MGST1: variants seen among roughly 807,000 people sequenced by gnomAD.
MGST1 encodes the protein microsomal glutathione S-transferase 1.
MGST1 carries 5 observed loss-of-function variants against 8.9 expected under a neutral mutation model. The ratio of observed to expected loss-of-function variants is 0.56; its 90% CI spans 0.29 to 1.19. MGST1 has a LOEUF of 1.19. Ranked by LOEUF, MGST1 falls within the 50% of genes most tolerant of loss-of-function variation. MGST1 has a pLI of 0.08. For missense variants in MGST1, 182 were observed against 187.4 expected (o/e 0.97, Z 0.17); for synonymous variants, 54 against 67.8 (o/e 0.80, Z 1.00).
rs576570416 is a variant in MGST1, at chr12:16,584,134, G to A, written n.483-5394G>A. 7.2e-5 allele frequency among the ~76,000 whole-genome samples: 11 copies of A among 152,230 alleles called. No homozygotes were observed. In the South Asian group the frequency reaches 2.1e-3, roughly 29 times the overall value. On this transcript the variant is annotated intron_variant and non_coding_transcript_variant, in intron 4 of 4. Transcript: ENST00000538857. This position sits in a 1 kb window ranked among gnomAD's most constrained non-coding sequence, Gnocchi z 5.2. ...AGCCTTTTAGAATCCCTAGAATTGT[G>A]GTAAGAGGGAAATGACAGCAGTGAG...
chr12:16,588,695 C>T (rs1351037510), intron 4 of MGST1, among the ~76,000 whole-genome samples: 1 of 152,054 alleles, frequency 6.6e-6, no homozygotes, highest in African/African-American at 2.4e-5. Flanking sequence ...TTCCATACAG[C>T]CTAAAGTGCA....
At chr12:16,504,538 C>T (rs1941524747) in intron 4 of MGST1, among the ~76,000 whole-genome samples, 1 of 152,136 alleles carries the variant, frequency 6.6e-6, no homozygotes. Context: ...ATACAAGTCT[C>T]CCAATCTCTT....
chr12:16,455,905 T>C (rs1279214836), intron 4 of MGST1, among the ~76,000 whole-genome samples: 2 of 151,870 alleles, frequency 1.3e-5, no homozygotes, highest in Admixed American at 6.6e-5. Context: ...AAGTAGATGA[T>C]GCAAGAATTA....
In MGST1 at chr12:16,586,724, T is replaced by G. The variant is rs558281503; in HGVS notation, n.483-2804T>G. On this transcript the variant is annotated intron_variant and non_coding_transcript_variant, in intron 4 of 4. Coordinates refer to the MGST1 transcript ENST00000538857. The surrounding 1 kb of genome is among the most constrained non-coding windows in gnomAD (Gnocchi z 4.3). ...ACCCCCCATTGCAGTAGATGATGTT[T>G]TTTTCCATTTCTCTGGTACTTGAGC... Among the ~76,000 whole-genome samples, 29 of 152,314 alleles carry G rather than the reference T, an allele frequency of 1.9e-4. No homozygotes were observed. Among genetic ancestry groups the G allele is most frequent in the Admixed American group, 9.2e-4 (14 of 15,296 alleles).
chr12:16,465,157 T>C (rs1941245067), intron 4 of MGST1, among the ~76,000 whole-genome samples: 1 of 152,208 alleles, frequency 6.6e-6, no homozygotes, highest in Admixed American at 6.5e-5. Flanking sequence ...TGGTATGGTT[T>C]GTGCTTGTAC....
rs1237813457 is a variant in MGST1 at position 16,458,547 on chromosome 12, G to T, written n.482+74943G>T. 6.6e-6 allele frequency among the ~76,000 whole-genome samples: 1 copy of T among 151,956 alleles called. No individual in the cohort carries two copies. The highest frequency in any genetic ancestry group is 1.5e-5 in the Non-Finnish European group (1 of 67,962). On this transcript the variant is annotated intron_variant and non_coding_transcript_variant, in intron 4 of 4. Coordinates refer to the MGST1 transcript ENST00000538857. The surrounding 1 kb of genome is among the most constrained non-coding windows in gnomAD (Gnocchi z 4.0). ...GAAACTTTATTTAGGAAGGGTGTTA[G>T]TTCACTTCATTGCTTTATCAATGAA...
At chr12:16,436,868 T>C (rs778515283) in intron 1 of MGST1, among the ~76,000 whole-genome samples, 25 of 152,014 alleles carry the variant, frequency 1.6e-4, no homozygotes, top group Non-Finnish European at 2.8e-4. Flanking sequence ...CAGTCCACAA[T>C]AATGTTTCTC....
At chr12:16,527,162 C>T (rs1041716055) in intron 4 of MGST1, among the ~76,000 whole-genome samples, 3 of 151,896 alleles carry the variant, frequency 2.0e-5, no homozygotes, top group African/African-American at 7.3e-5. Context: ...TTTGTTTCAG[C>T]CATTCTGCAA....
Position 16,576,364 on chromosome 12 carries a change from C to T in MGST1, n.483-13164C>T, listed in dbSNP as rs562086044. Among the ~76,000 whole-genome samples the T allele has an allele frequency of 1.3e-5, 2 of 152,294 alleles. No homozygotes were observed. The highest frequency in any genetic ancestry group is 6.5e-5 in the Admixed American group (1 of 15,306). ...GTCTACTCCCTGGACTCAGCATCTA[C>T]TTTCACACCTGATGTCCTACCACTC... On this transcript the variant is annotated intron_variant and non_coding_transcript_variant, in intron 4 of 4. Transcript: ENST00000538857. This position sits in a 1 kb window ranked among gnomAD's most constrained non-coding sequence, Gnocchi z 4.1.
chr12:16,367,030 A>C (rs73062298), downstream of MGST1, among the ~76,000 whole-genome samples: 1,140 of 152,332 alleles, frequency 7.5e-3, 9 homozygotes, highest in Non-Finnish European at 9.7e-3. Context: ...TTTTTATATA[A>C]TACTACATGA....
chr12:16,387,376 G>A (rs1940512850), intron 1 of MGST1, among the ~76,000 whole-genome samples: 1 of 152,036 alleles, frequency 6.6e-6, no homozygotes, highest in African/African-American at 2.4e-5. Flanking sequence ...GTTGATGCTG[G>A]TGCACACCAA....
intron 4 of MGST1, among the ~76,000 whole-genome samples, chr12:16,480,793 A>G (rs1941358600): frequency 6.6e-6 from 1 of 152,144 alleles, no homozygotes; most frequent in African/African-American, 2.4e-5. Context: ...TCCTTTGGCT[A>G]GGCCTGGTAG....
chr12:16,540,853 C>T (rs995376681), intron 4 of MGST1, among the ~76,000 whole-genome samples: 1 of 152,128 alleles, frequency 6.6e-6, no homozygotes, highest in South Asian at 2.1e-4. Context: ...GAGGTTGCAG[C>T]AAGCCGAGAC....
chr12:16,370,016 G>A (rs1940265189), intron 3 of MGST1: 1 of 152,168 alleles, frequency 6.6e-6, no homozygotes, highest in African/African-American at 2.4e-5. Context: ...CACTTATACA[G>A]TCAATCTATT....
In MGST1 at chr12:16,517,299, G is replaced by A. The variant is rs1674394117; in HGVS notation, n.483-72229G>A. ...AATGCAATAGTGTCAAGAGGTGGAAGCTTTAAAAGGTGATTAAGTCATAAG... is the reference window on the plus strand; with the variant it reads ...AATGCAATAGTGTCAAGAGGTGGAAACTTTAAAAGGTGATTAAGTCATAAG... On this transcript the variant is annotated intron_variant and non_coding_transcript_variant, in intron 4 of 4. Transcript: ENST00000538857. This position sits in a 1 kb window ranked among gnomAD's most constrained non-coding sequence, Gnocchi z 4.2. 6.6e-6 allele frequency among the ~76,000 whole-genome samples: 1 copy of A among 152,176 alleles called. No individual in the cohort carries two copies. The highest frequency in any genetic ancestry group is 6.5e-5 in the Admixed American group (1 of 15,278).
chr12:16,528,119 A>G (rs1404170140), intron 4 of MGST1, among the ~76,000 whole-genome samples: 1 of 152,044 alleles, frequency 6.6e-6, no homozygotes, highest in Non-Finnish European at 1.5e-5. Flanking sequence ...TAGCCAGATG[A>G]TGAATTAACA....
intron 4 of MGST1, among the ~76,000 whole-genome samples, chr12:16,468,967 G>A (rs1183770948): frequency 6.6e-6 from 1 of 152,214 alleles, no homozygotes; most frequent in Non-Finnish European, 1.5e-5. Flanking sequence ...CAGTAGATGA[G>A]AAACTCCTAG....
chr12:16,421,027 C>G (rs566471045), intron 1 of MGST1, among the ~76,000 whole-genome samples: 1 of 152,136 alleles, frequency 6.6e-6, no homozygotes, highest in Non-Finnish European at 1.5e-5. Flanking sequence ...CATTGTCTCT[C>G]TTCTCTCCTA....
At chr12:16,541,750 C>A (rs184687123) in intron 4 of MGST1, among the ~76,000 whole-genome samples, 2 of 151,908 alleles carry the variant, frequency 1.3e-5, no homozygotes, top group Non-Finnish European at 2.9e-5. Flanking sequence ...CATCATACTT[C>A]GGGCTTTTAT....
Sources: gnomAD v4.1 joint callset for allele counts (sites outside exome capture counted in the v4.1 genomes callset) on GRCh38, gnomAD v4.1.1 for gene constraint, Gnocchi (gnomAD v3.1) non-coding constraint, MANE v1.5 for transcripts, NCBI Gene and HGNC (gene_info 2026-07-23, HGNC 2026-07-21) for gene names.